The following FAM107B variants were observed in gnomAD, a reference collection of about 807,000 sequenced individuals.
The protein encoded by FAM107B is protein FAM107B.
FAM107B carries 21 observed loss-of-function variants against 31.5 expected under a neutral mutation model. The observed-to-expected ratio is 0.67, with a 90% CI of 0.47 to 0.96. The LOEUF (loss-of-function observed/expected upper bound fraction) is 0.96, where lower values mean the gene tolerates loss of function less well. Among genes scored for constraint, FAM107B ranks in the 40% least tolerant of loss-of-function variants. FAM107B has a pLI of 0.00. For synonymous variants in FAM107B, 157 were observed against 141.5 expected, an observed-to-expected ratio of 1.11 and a Z score of -0.78; for missense variants, 452 against 377.1, an observed-to-expected ratio of 1.20 and a Z score of -1.64.
In FAM107B at chr10:14,533,932, G is replaced by A. The variant is rs188077072; in HGVS notation, c.470-3417C>T. ...GGGCACTGCGAGCCGGTGCAGGAGG[G>A]GGGGGCTGCGGTTGACTTTTCAGAC... On this transcript the variant is annotated intron_variant, in intron 2 of 4. Transcript: ENST00000181796. Among the ~76,000 whole-genome samples, 72 of 152,314 alleles carry A rather than the reference G, an allele frequency of 4.7e-4. 3 individuals carry two copies. In the East Asian group the frequency reaches 0.013, roughly 28 times the overall value.
chr10:14,662,871 AG>A (rs1854283565), intron 2 of FAM107B, among the ~76,000 whole-genome samples: 1 of 152,064 alleles, frequency 6.6e-6, no homozygotes, highest in Non-Finnish European at 1.5e-5. Flanking sequence ...TGTGTTGGTG[AG>A]GGGGTTGCCA....
At chr10:14,632,769 G>C (rs865806526) in intron 2 of FAM107B, among the ~76,000 whole-genome samples, 9 of 152,054 alleles carry the variant, frequency 5.9e-5, no homozygotes, top group East Asian at 1.9e-4. Flanking sequence ...AGAGACACGA[G>C]ATGGCACAAA....
rs1439064655 is a variant in FAM107B, at chr10:14,522,201, G to A, written c.654-182C>T. 4 of 734,462 alleles carry A rather than the reference G, an allele frequency of 5.4e-6. No homozygotes were observed. In the Admixed American group the frequency reaches 9.0e-5, roughly 16 times the overall value. The allele number at this position is 734,462 out of a possible 1,614,324, so 45.5% of individuals were successfully genotyped here. A position where few individuals can be genotyped will look rare whatever the true frequency, so the allele number is the denominator to read the frequency against. ...ATTCACCAGCACGAAAGAAAGGCAA[G>A]AGGAGATCTCCAAAGAGTACATAAA... On this transcript the variant is annotated intron_variant, in intron 3 of 4. Coordinates refer to ENST00000181796, the MANE Select transcript of FAM107B (RefSeq NM_031453.4).
intron 1 of FAM107B, among the ~76,000 whole-genome samples, chr10:14,710,470 AC>A (rs1855619757): frequency 7.9e-6 from 1 of 126,044 alleles, no homozygotes; most frequent in Admixed American, 8.4e-5. Context: ...ACACACACAC[AC>A]ACACACAAAA....
At chr10:14,759,458 C>T (rs1451665996) in intron 1 of FAM107B, among the ~76,000 whole-genome samples, 3 of 152,154 alleles carry the variant, frequency 2.0e-5, no homozygotes, top group East Asian at 1.9e-4. Context: ...GGCTGCCAGG[C>T]ACTTGGTGCT....
At chr10:14,552,852 T>TG (rs1259430142) in intron 2 of FAM107B, among the ~76,000 whole-genome samples, 1 of 152,154 alleles carries the variant, frequency 6.6e-6, no homozygotes, top group Non-Finnish European at 1.5e-5. Context: ...CACTTCGTTG[T>TG]AATGCTTGTT....
chr10:14,572,604 G>A (rs940676870), intron 2 of FAM107B, among the ~76,000 whole-genome samples: 17 of 151,194 alleles, frequency 1.1e-4, no homozygotes, highest in African/African-American at 4.1e-4. Context: ...TGCACCCGTG[G>A]TCCTAGCTAC....
At chr10:14,653,797 A>G (rs1853965717) in intron 2 of FAM107B, 1 of 152,214 alleles carries the variant, frequency 6.6e-6, no homozygotes, top group African/African-American at 2.4e-5. Flanking sequence ...GGTAACGCCC[A>G]CAAGCTTGAG....
chr10:14,682,590 A>G (rs1854864110), intron 1 of FAM107B, among the ~76,000 whole-genome samples: 1 of 152,172 alleles, frequency 6.6e-6, no homozygotes, highest in Admixed American at 6.5e-5. Flanking sequence ...TGTCCTTTGC[A>G]GGGATATGGA....
chr10:14,575,112 T>C (rs1313145338), intron 2 of FAM107B, among the ~76,000 whole-genome samples: 1 of 152,210 alleles, frequency 6.6e-6, no homozygotes, highest in African/African-American at 2.4e-5. Flanking sequence ...CTTCTTGCAC[T>C]GAATAAAGCA....
In FAM107B at chr10:14,591,717, C is replaced by G. The variant is rs371739679; in HGVS notation, c.470-61202G>C. 8.5e-5 allele frequency among the ~76,000 whole-genome samples: 13 copies of G among 152,334 alleles called. No homozygotes were observed. In the East Asian group the frequency reaches 2.5e-3, roughly 29 times the overall value. The stretch of plus-strand genomic sequence containing the variant: ...TTAGAATCACTACACGTGAGACAGT[C>G]AGACCTTTTCCTAAGCTGAGGCAAC... On this transcript the variant is annotated intron_variant, in intron 2 of 4. Transcript: ENST00000181796.
chr10:14,641,243 T>C (rs184721387), intron 2 of FAM107B, among the ~76,000 whole-genome samples: 2 of 152,350 alleles, frequency 1.3e-5, no homozygotes, highest in Non-Finnish European at 2.9e-5. Context: ...CCAAGCTATA[T>C]ATTAAGTACC....
chr10:14,715,458 G>C (rs1464982661), intron 1 of FAM107B, among the ~76,000 whole-genome samples: 7 of 152,146 alleles, frequency 4.6e-5, no homozygotes, highest in African/African-American at 1.7e-4. Context: ...TTATATAATA[G>C]ATCACCCCAA....
At chr10:14,679,523 G>A (rs142512174) in intron 1 of FAM107B, among the ~76,000 whole-genome samples, 11 of 152,352 alleles carry the variant, frequency 7.2e-5, no homozygotes, top group Admixed American at 3.9e-4. Flanking sequence ...TAATCACTGT[G>A]ATTGTGAGAT....
chr10:14,600,790 C>G (rs945419886), intron 2 of FAM107B, among the ~76,000 whole-genome samples: 9 of 152,130 alleles, frequency 5.9e-5, no homozygotes, highest in Admixed American at 5.2e-4. Context: ...CAGGCATGCA[C>G]CACCACTCCC....
intron 1 of FAM107B, among the ~76,000 whole-genome samples, chr10:14,708,253 T>A (rs1984590): frequency 0.26 from 39,210 of 151,866 alleles, 5,180 homozygotes; most frequent in Admixed American, 0.31. Flanking sequence ...AATTTTTTTT[T>A]AATTTTTATT....
intron 2 of FAM107B, among the ~76,000 whole-genome samples, chr10:14,541,430 A>G (rs967148842): frequency 2.0e-5 from 3 of 152,150 alleles, no homozygotes; most frequent in Admixed American, 6.5e-5. Flanking sequence ...GTACACACCA[A>G]GCCCGTGCAC....
chr10:14,770,161 A>G (rs114738064), intron 1 of FAM107B, among the ~76,000 whole-genome samples: 1,897 of 152,288 alleles, frequency 0.012, 34 homozygotes, highest in African/African-American at 0.043. Context: ...TTGAGTCACA[A>G]TCATCAGTGT....
chr10:14,572,083 A>G (rs1851273141), intron 2 of FAM107B: 1 of 985,458 alleles, frequency 1.0e-6, no homozygotes, highest in Non-Finnish European at 1.2e-6. Flanking sequence ...CTGGATATCA[A>G]AAGAGCCACA....
Sources: allele counts gnomAD v4.1 joint callset (sites outside exome capture counted in the v4.1 genomes callset), GRCh38; gene constraint gnomAD v4.1.1; transcripts MANE v1.5; gene names NCBI Gene and HGNC (gene_info 2026-07-23, HGNC 2026-07-21).